The following PTPRM variants were observed in gnomAD, a reference collection of about 807,000 sequenced individuals.
PTPRM encodes protein tyrosine phosphatase receptor type M.
Under a neutral mutation model 186.7 loss-of-function variants are expected in PTPRM, and 47 were observed. That is an observed-to-expected ratio of 0.25 (90% CI 0.20 to 0.32). The LOEUF is 0.32. Ranked by LOEUF, PTPRM falls within the 10% of genes least tolerant of loss-of-function variation. The probability of loss-of-function intolerance (pLI) is 1.00; values close to 1 mark genes in which losing one functional copy is unlikely to be tolerated. For missense variants in PTPRM, 1,494 were observed against 1,865.0 expected (o/e 0.80, Z 3.66); for synonymous variants, 668 against 674.9 (o/e 0.99, Z 0.16).
chr18:7,988,120 G>A (rs2083068248), intron 7 of PTPRM, among the ~76,000 whole-genome samples: 1 of 152,076 alleles, frequency 6.6e-6, no homozygotes, highest in Non-Finnish European at 1.5e-5. Flanking sequence ...GGGAGGTTGA[G>A]GCTGCAGTGA....
chr18:8,091,443 C>T (rs561896871), intron 11 of PTPRM, among the ~76,000 whole-genome samples: 168 of 152,258 alleles, frequency 1.1e-3, no homozygotes, highest in South Asian at 2.1e-3. Flanking sequence ...CATGATCAAT[C>T]CTTAAGGGGC....
intron 19 of PTPRM, among the ~76,000 whole-genome samples, chr18:8,279,569 G>A (rs1464883316): frequency 6.6e-6 from 1 of 152,194 alleles, no homozygotes; most frequent in East Asian, 1.9e-4. Context: ...GCCTCTAGGA[G>A]CAGGCCTGTT....
chr18:8,092,985 C>T (rs892256413), intron 11 of PTPRM, among the ~76,000 whole-genome samples: 4 of 151,886 alleles, frequency 2.6e-5, no homozygotes, highest in African/African-American at 9.7e-5. Context: ...CAACATAGAC[C>T]CTCTACCAAA....
intron 1 of PTPRM, among the ~76,000 whole-genome samples, chr18:7,595,622 C>T (rs1311857911): frequency 6.6e-6 from 1 of 152,148 alleles, no homozygotes; most frequent in African/African-American, 2.4e-5. Context: ...ACAGTGAAGT[C>T]TCAGGTGGCT....
intron 2 of PTPRM, among the ~76,000 whole-genome samples, chr18:7,798,834 C>T (rs1019879504): frequency 7.2e-5 from 11 of 152,142 alleles, no homozygotes; most frequent in African/African-American, 2.7e-4. Context: ...TGTTCTGTAC[C>T]TTTGTTAAAT....
intron 6 of PTPRM, among the ~76,000 whole-genome samples, chr18:7,954,081 C>T (rs1439043783): frequency 2.6e-5 from 4 of 152,122 alleles, no homozygotes; most frequent in Non-Finnish European, 5.9e-5. Context: ...TGTGTGGTAT[C>T]ACCCACAGTG....
chr18:8,210,585 G>A (rs2093989878), intron 14 of PTPRM, among the ~76,000 whole-genome samples: 1 of 152,170 alleles, frequency 6.6e-6, no homozygotes, highest in South Asian at 2.1e-4. Flanking sequence ...CCAATTTAGG[G>A]TACTTTTTAC....
chr18:8,088,517 A>G (rs1428714275), intron 10 of PTPRM, among the ~76,000 whole-genome samples: 1 of 152,130 alleles, frequency 6.6e-6, no homozygotes, highest in Non-Finnish European at 1.5e-5. Context: ...GCCCCCTCAT[A>G]CCATCTCCCA....
intron 2 of PTPRM, among the ~76,000 whole-genome samples, chr18:7,857,225 A>G (rs1200493705): frequency 6.6e-6 from 1 of 152,176 alleles, no homozygotes; most frequent in Non-Finnish European, 1.5e-5. Context: ...GGCTGAGCTC[A>G]GTTCGAAGGG....
chr18:8,033,502 T>C (rs531497738), intron 7 of PTPRM, among the ~76,000 whole-genome samples: 2 of 152,314 alleles, frequency 1.3e-5, no homozygotes, highest in South Asian at 4.1e-4. Context: ...CCAGGGTATA[T>C]GGTGTGGCCC....
At chr18:8,376,781 C>A (rs2095698753) in intron 26 of PTPRM, 184 bp downstream of exon 26, 2 of 698,814 alleles carry the variant, frequency 2.9e-6, no homozygotes, top group Admixed American at 7.5e-5. Flanking sequence ...CATAAACAAA[C>A]CAAACAAACC....
intron 8 of PTPRM, among the ~76,000 whole-genome samples, chr18:8,070,587 G>A (rs568347492): frequency 1.8e-4 from 28 of 152,080 alleles, no homozygotes; most frequent in African/African-American, 5.8e-4. Flanking sequence ...CACCAGTAAC[G>A]CATCAAAAAA....
intron 2 of PTPRM, among the ~76,000 whole-genome samples, chr18:7,858,486 C>T (rs944758936): frequency 1.3e-5 from 2 of 152,130 alleles, no homozygotes; most frequent in African/African-American, 4.8e-5. Flanking sequence ...CGCTTGCGCC[C>T]AGGAGTTGAC....
At chr18:8,198,718 C>T (rs1456604355) in intron 14 of PTPRM, among the ~76,000 whole-genome samples, 2 of 152,118 alleles carry the variant, frequency 1.3e-5, no homozygotes, top group African/African-American at 4.8e-5. Flanking sequence ...CTTTTGGCTA[C>T]AACCAGTGGG....
At chr18:7,688,445 T>C (rs574963463) in intron 1 of PTPRM, among the ~76,000 whole-genome samples, 1 of 152,324 alleles carries the variant, frequency 6.6e-6, no homozygotes, top group South Asian at 2.1e-4. Flanking sequence ...TGCTCAGACA[T>C]CTGAAGCTTT....
At chr18:8,195,152 CT>C (rs1164451439) in intron 14 of PTPRM, among the ~76,000 whole-genome samples, 34,277 of 117,056 alleles carry the variant, frequency 0.29, 4,831 homozygotes, top group East Asian at 0.43. Flanking sequence ...CTTAGAAGTT[CT>C]TTTTTTTTTT....
At chr18:7,797,542 T>C (rs1279594833) in intron 2 of PTPRM, among the ~76,000 whole-genome samples, 1 of 152,214 alleles carries the variant, frequency 6.6e-6, no homozygotes, top group Non-Finnish European at 1.5e-5. Context: ...TGAAAAGAGA[T>C]AATTTTGCAG....
In PTPRM at chr18:8,296,382, G is replaced by C; in HGVS notation, c.2769G>C (p.Gly923=). ...TTTCCTTCTAGAGCTTCTTTGAAGG[G>C]CAGTCTGCACCATGGGACTCGGCTA... ...FKEEYESFFE[G]QSAPWDSAKK... The change falls in exon 20 of 33, where the codon GGG becomes GGC. Residue 923 remains glycine, a synonymous_variant. Transcript: ENST00000580170. The C allele has an allele frequency of 6.2e-7, 1 of 1,608,048 alleles. No homozygotes were observed. The highest frequency in any genetic ancestry group is 8.5e-7 in the Non-Finnish European group (1 of 1,174,632).
intron 7 of PTPRM, among the ~76,000 whole-genome samples, chr18:7,985,012 T>A (rs1405550083): frequency 7.9e-6 from 1 of 126,236 alleles, no homozygotes; most frequent in African/African-American, 3.2e-5. Context: ...TGTATATACA[T>A]ATAATTATAT....
Sources: gnomAD v4.1 joint callset for allele counts (sites outside exome capture counted in the v4.1 genomes callset) on GRCh38, gnomAD v4.1.1 for gene constraint, MANE v1.5 for transcripts, NCBI Gene and HGNC (gene_info 2026-07-23, HGNC 2026-07-21) for gene names.